ZNF407: variants seen among roughly 807,000 people sequenced by gnomAD.
ZNF407 encodes zinc finger protein 407.
A neutral mutation model predicts 131.2 loss-of-function variants in ZNF407; 17 were observed. The ratio of observed to expected loss-of-function variants is 0.13; its 90% CI spans 0.09 to 0.19. ZNF407 has a LOEUF of 0.19. ZNF407 is among the 10% of genes least tolerant of loss of function. ZNF407 has a pLI of 1.00. For synonymous variants in ZNF407, 1,156 were observed against 1,062.0 expected (o/e 1.09, Z -1.72); for missense variants, 2,681 against 2,830.6 (o/e 0.95, Z 1.20).
intron 8 of ZNF407, among the ~76,000 whole-genome samples, chr18:75,014,342 C>T (rs1973018297): frequency 6.6e-6 from 1 of 151,906 alleles, no homozygotes; most frequent in Non-Finnish European, 1.5e-5. Flanking sequence ...CTAAGATGGT[C>T]CTTTGTCCTT....
chr18:74,900,160 G>A (rs1255161195), intron 7 of ZNF407, among the ~76,000 whole-genome samples: 1 of 152,212 alleles, frequency 6.6e-6, no homozygotes. Flanking sequence ...GATTAGGGTT[G>A]GTGAAGCAGG....
intron 4 of ZNF407, among the ~76,000 whole-genome samples, chr18:74,813,484 A>G (rs1970226927): frequency 6.6e-6 from 1 of 151,738 alleles, no homozygotes; most frequent in African/African-American, 2.4e-5. Flanking sequence ...CACACCCACC[A>G]CCTCATCAAA....
intron 8 of ZNF407, among the ~76,000 whole-genome samples, chr18:75,011,948 A>G (rs1185032344): frequency 6.6e-6 from 1 of 152,150 alleles, no homozygotes; most frequent in East Asian, 1.9e-4. Flanking sequence ...TTACATAGTC[A>G]TTGAGAATAG....
At position 74,635,343 on chromosome 18, in the gene ZNF407, A is replaced by T; in HGVS notation, c.4324A>T (p.Lys1442Ter). ...HIAMKHPTKE[K>*]HFHCLLCGKS... ...AGCCATGAAGCATCCTACAAAAGAGAAGCACTTCCATTGTTTACTCTGTGG... is the reference window on the plus strand; with the variant it reads ...AGCCATGAAGCATCCTACAAAAGAGTAGCACTTCCATTGTTTACTCTGTGG... The change falls in exon 2 of 9, where the codon AAG becomes TAG. Residue 1442 changes from lysine to a stop codon, truncating the protein, a stop_gained. Transcript: ENST00000299687. LOFTEE classifies it high-confidence loss of function. The surrounding 1 kb of genome is among the most constrained non-coding windows in gnomAD (Gnocchi z 4.7). 1 of 1,613,954 alleles carries T rather than the reference A, an allele frequency of 6.2e-7. No individual in the cohort carries two copies. Among genetic ancestry groups the T allele is most frequent in the Non-Finnish European group, 8.5e-7 (1 of 1,179,882 alleles).
In ZNF407 at chr18:74,779,305, G is replaced by A. The variant is rs539855930; in HGVS notation, c.4803-2123G>A. On this transcript the variant is annotated intron_variant, in intron 3 of 8. Coordinates refer to ENST00000299687, the MANE Select transcript of ZNF407 (RefSeq NM_017757.3). Reference sequence around the variant, plus strand: ...TAATTTTTGTATTTTTAGTAGAGACGGGGTTTCACTGTGTTAGCCAGGATG... The same window carrying A: ...TAATTTTTGTATTTTTAGTAGAGACAGGGTTTCACTGTGTTAGCCAGGATG... Among the ~76,000 whole-genome samples the A allele has an allele frequency of 2.9e-3, 445 of 150,848 alleles. 4 individuals carry two copies. The highest frequency in any genetic ancestry group is 0.01 in the African/African-American group (421 of 41,262).
In ZNF407 at chr18:74,633,934, A is replaced by C. The variant is rs948615; in HGVS notation, c.2915A>C (p.Asn972Thr). 233,813 of 1,613,794 alleles carry C rather than the reference A, an allele frequency of 0.14. 18,914 individuals are homozygous for C. Among genetic ancestry groups the C allele is most frequent in the African/African-American group, 0.35 (26,401 of 74,946 alleles). The change falls in exon 2 of 9, where the codon AAT becomes ACT. Residue 972 changes from asparagine to threonine, a missense_variant. Physicochemically the swap from Asn to Thr is moderately conservative, Grantham distance 65. Around this residue, in one of 6 missense-constraint regions of ZNF407, gnomAD observed 1,789 missense variants for 1,748.7 expected, o/e 1.02. Coordinates refer to ENST00000299687, the MANE Select transcript of ZNF407 (RefSeq NM_017757.3). The stretch of plus-strand genomic sequence containing the variant: ...AACTCAATTGAAGCTGAAGTTGAAA[A>C]TGTATTTCATTCTCTAGATGGAGAA... ...RGNSIEAEVE[N>T]VFHSLDGEVN...
intron 3 of ZNF407, among the ~76,000 whole-genome samples, chr18:74,776,216 A>G (rs1450740881): frequency 2.0e-5 from 3 of 152,200 alleles, no homozygotes; most frequent in Non-Finnish European, 4.4e-5. Flanking sequence ...GGACACATAG[A>G]AGACGCCCTA....
intron 8 of ZNF407, among the ~76,000 whole-genome samples, chr18:75,024,008 G>A (rs916100982): frequency 6.6e-6 from 1 of 152,056 alleles, no homozygotes; most frequent in Admixed American, 6.6e-5. Flanking sequence ...CTGGGTTTGA[G>A]GAAGAAAACA....
chr18:74,615,284 A>G (rs1009376522), intron 1 of ZNF407, among the ~76,000 whole-genome samples: 2 of 152,246 alleles, frequency 1.3e-5, no homozygotes, highest in South Asian at 2.1e-4. Context: ...AGGTGGGCAG[A>G]TCACGAGGTC....
At chr18:74,740,835 C>A (rs945439506) in intron 3 of ZNF407, among the ~76,000 whole-genome samples, 1 of 152,140 alleles carries the variant, frequency 6.6e-6, no homozygotes, top group Non-Finnish European at 1.5e-5. Flanking sequence ...AGACGAACCC[C>A]CTCCCACTGG....
intron 4 of ZNF407, among the ~76,000 whole-genome samples, chr18:74,851,430 TG>T (rs759581256): frequency 2.6e-4 from 39 of 152,286 alleles, no homozygotes; most frequent in South Asian, 1.2e-3. Flanking sequence ...ATGTCATGAG[TG>T]GTTACACATT....
chr18:74,698,848 C>T (rs946387870), intron 3 of ZNF407, among the ~76,000 whole-genome samples: 1 of 152,038 alleles, frequency 6.6e-6, no homozygotes, highest in Non-Finnish European at 1.5e-5. Flanking sequence ...GCCATTAATG[C>T]TCTTAATTTG....
intron 3 of ZNF407, among the ~76,000 whole-genome samples, chr18:74,721,356 C>G (rs1443829223): frequency 1.3e-5 from 2 of 152,102 alleles, no homozygotes; most frequent in Admixed American, 6.6e-5. Flanking sequence ...CCACTCTTAC[C>G]TCCCATATTC....
At chr18:74,727,091 A>G (rs369607894) in intron 3 of ZNF407, among the ~76,000 whole-genome samples, 3 of 152,334 alleles carry the variant, frequency 2.0e-5, no homozygotes, top group East Asian at 1.9e-4. Context: ...TTATGTGCCA[A>G]GCACTTAGCT....
At chr18:74,626,958 C>T (rs1053107074) in intron 1 of ZNF407, among the ~76,000 whole-genome samples, 5 of 152,302 alleles carry the variant, frequency 3.3e-5, no homozygotes, top group Admixed American at 6.5e-5. Flanking sequence ...CTGCAGATCT[C>T]TGGGCCTCTT....
At chr18:74,755,317 T>C (rs1968904581) in intron 3 of ZNF407, among the ~76,000 whole-genome samples, 1 of 152,124 alleles carries the variant, frequency 6.6e-6, no homozygotes, top group Non-Finnish European at 1.5e-5. Context: ...GTCTGTGTCT[T>C]TTAATTGGAG....
At chr18:75,059,498 A>T (rs561947181) in intron 8 of ZNF407, among the ~76,000 whole-genome samples, 2 of 152,186 alleles carry the variant, frequency 1.3e-5, no homozygotes, top group South Asian at 4.1e-4. Context: ...CAAATTCTGA[A>T]TTAGACTAAA....
At chr18:74,852,574 G>A (rs1970804819) in intron 4 of ZNF407, among the ~76,000 whole-genome samples, 1 of 152,128 alleles carries the variant, frequency 6.6e-6, no homozygotes, top group South Asian at 2.1e-4. Flanking sequence ...GTAATTTAGA[G>A]TATCTGGTAG....
intron 3 of ZNF407, among the ~76,000 whole-genome samples, chr18:74,741,697 G>A (rs1968554223): frequency 6.6e-6 from 1 of 152,054 alleles, no homozygotes; most frequent in Non-Finnish European, 1.5e-5. Context: ...TCAAACAATA[G>A]TAAATTTCCT....
Sources: allele counts gnomAD v4.1 joint callset (sites outside exome capture counted in the v4.1 genomes callset), GRCh38; gene constraint gnomAD v4.1.1; regional missense constraint gnomAD v4.1.1; non-coding constraint Gnocchi (gnomAD v3.1); transcripts MANE v1.5; gene names NCBI Gene and HGNC (gene_info 2026-07-23, HGNC 2026-07-21).